The following SULT1E1 variants were observed in gnomAD, a reference collection of about 807,000 sequenced individuals.
SULT1E1 encodes the protein sulfotransferase family 1E member 1.
A neutral mutation model predicts 33.6 loss-of-function variants in SULT1E1; 36 were observed. The observed-to-expected ratio is 1.07, with a 90% confidence interval of 0.82 to 1.41. SULT1E1 has a LOEUF of 1.41. Ranked by LOEUF, SULT1E1 falls within the 40% of genes most tolerant of loss-of-function variation. The pLI is 0.00. For synonymous variants in SULT1E1, 121 were observed against 111.7 expected (o/e 1.08, Z -0.53); for missense variants, 371 against 345.7 (o/e 1.07, Z -0.58).
the SULT1E1 span, among the ~76,000 whole-genome samples, chr4:69,828,812 C>A: frequency 2.0e-5 from 3 of 152,206 alleles, no homozygotes; most frequent in Admixed American, 2.0e-4. Context: ...TTTTCCCTGA[C>A]ACTTTATATC....
chr4:69,837,109 A>T (rs1720809835), downstream of SULT1E1, among the ~76,000 whole-genome samples: 1 of 151,408 alleles, frequency 6.6e-6, no homozygotes, highest in South Asian at 2.1e-4. Flanking sequence ...AAATGTAGGT[A>T]GGGGTTAGAT....
At chr4:69,826,371 G>T in the SULT1E1 span, among the ~76,000 whole-genome samples, 2 of 152,094 alleles carry the variant, frequency 1.3e-5, no homozygotes, top group African/African-American at 4.8e-5. Context: ...ATGGGTGCAG[G>T]TTTTTGAGAA....
At chr4:69,830,741 A>G in the SULT1E1 span, among the ~76,000 whole-genome samples, 2 of 152,180 alleles carry the variant, frequency 1.3e-5, no homozygotes, top group Non-Finnish European at 2.9e-5. Flanking sequence ...CTTCCATATT[A>G]AACAGTGTCA....
chr4:69,844,825 T>C (rs1720942400), intron 6 of SULT1E1, among the ~76,000 whole-genome samples: 1 of 152,238 alleles, frequency 6.6e-6, no homozygotes, highest in Middle Eastern at 3.4e-3. Flanking sequence ...CTGTACACCA[T>C]AGCTACAAAC....
downstream of SULT1E1, among the ~76,000 whole-genome samples, chr4:69,840,611 C>T (rs1470258672): frequency 6.6e-6 from 1 of 152,088 alleles, no homozygotes; most frequent in Non-Finnish European, 1.5e-5. Flanking sequence ...AGAAGGAACC[C>T]TAAAGCATAA....
At chr4:69,822,684 C>T in the SULT1E1 span, among the ~76,000 whole-genome samples, 2 of 152,166 alleles carry the variant, frequency 1.3e-5, no homozygotes, top group African/African-American at 4.8e-5. Flanking sequence ...TGTCTACAAT[C>T]ACTTTTATTC....
the SULT1E1 span, among the ~76,000 whole-genome samples, chr4:69,835,945 A>C: frequency 6.6e-6 from 1 of 152,192 alleles, no homozygotes; most frequent in South Asian, 2.1e-4. Flanking sequence ...TTCCTGGCCT[A>C]GGCTTCTTTA....
the SULT1E1 span, among the ~76,000 whole-genome samples, chr4:69,822,611 G>A: frequency 0.012 from 1,859 of 152,216 alleles, 50 homozygotes; most frequent in African/African-American, 0.042. Context: ...GAACAGAAAA[G>A]GAGTCAAGAA....
At chr4:69,845,616 C>T (rs984706833) in intron 6 of SULT1E1, among the ~76,000 whole-genome samples, 1 of 151,068 alleles carries the variant, frequency 6.6e-6, no homozygotes, top group Non-Finnish European at 1.5e-5. Context: ...GTCTTGATTT[C>T]TTTCTACTGG....
rs781501252 is a variant in SULT1E1 at position 69,857,545 on chromosome 4, G to T, written c.100C>A (p.Gln34Lys). ...VKYWDNVEAFQARPDDLVIAT... is the reference protein window; with the variant it reads ...VKYWDNVEAFKARPDDLVIAT... Reference sequence around the variant, plus strand: ...ATGACAAGATCATCTGGTCTTGCCTGGAACGCTTCCACATTATCCCAATAT... The same window carrying T: ...ATGACAAGATCATCTGGTCTTGCCTTGAACGCTTCCACATTATCCCAATAT... The change falls in exon 2 of 8, where the codon CAG becomes AAG. Residue 34 changes from glutamine (Q) to lysine (K), a missense_variant. Physicochemically the swap from Gln to Lys is moderately conservative, Grantham distance 53. Coordinates refer to ENST00000226444, the MANE Select transcript of SULT1E1 (RefSeq NM_005420.3). 13 of 1,613,042 alleles carry T rather than the reference G, an allele frequency of 8.1e-6. No individual in the cohort carries two copies. In the South Asian group the frequency reaches 1.4e-4, roughly 18 times the overall value.
chr4:69,858,634 T>C (rs1721302047), intron 1 of SULT1E1, among the ~76,000 whole-genome samples: 1 of 151,934 alleles, frequency 6.6e-6, no homozygotes, highest in African/African-American at 2.4e-5. Flanking sequence ...GCCCCAGCCC[T>C]TAGGACAATC....
Position 69,841,897 on chromosome 4 carries a change from A to G in SULT1E1, c.*97T>C, listed in dbSNP as rs1578100940. The G allele has an allele frequency of 2.6e-5, 18 of 688,950 alleles. No homozygotes were observed. The South Asian group carries it at 3.4e-4, about 13-fold the overall frequency. 42.7% of individuals were successfully genotyped at this position (688,950 alleles called of 1,614,324 possible). A position where few individuals can be genotyped will look rare whatever the true frequency, so the allele number is the denominator to read the frequency against. Reference sequence around the variant, plus strand: ...TAAAAAGAAAATGTCAACATAATCCATGATTATGTCTTTTCTAGCAATCTA... The same window carrying G: ...TAAAAAGAAAATGTCAACATAATCCGTGATTATGTCTTTTCTAGCAATCTA... On this transcript the variant is annotated 3_prime_UTR_variant, in exon 8 of 8. Transcript: ENST00000226444.
chr4:69,854,798 T>A (rs956949084), intron 3 of SULT1E1, among the ~76,000 whole-genome samples: 1 of 152,016 alleles, frequency 6.6e-6, no homozygotes, highest in Non-Finnish European at 1.5e-5. Context: ...AGCTTCTAAC[T>A]ATCTTTTTCT....
At chr4:69,842,548 A>AT (rs1392016065) in intron 7 of SULT1E1, among the ~76,000 whole-genome samples, 8 of 152,356 alleles carry the variant, frequency 5.3e-5, no homozygotes, top group African/African-American at 1.9e-4. Flanking sequence ...TCAAAAATAA[A>AT]TTCATTTTAT....
At chr4:69,826,118 T>C in the SULT1E1 span, among the ~76,000 whole-genome samples, 1 of 152,168 alleles carries the variant, frequency 6.6e-6, no homozygotes, top group African/African-American at 2.4e-5. Context: ...TCAGAAACTG[T>C]ATTCTTCCTA....
At chr4:69,830,431 G>C in the SULT1E1 span, among the ~76,000 whole-genome samples, 2 of 152,330 alleles carry the variant, frequency 1.3e-5, no homozygotes, top group South Asian at 4.1e-4. Context: ...GGTTGAACAG[G>C]GTGTACAACC....
At chr4:69,851,032 A>C (rs552574726) in intron 4 of SULT1E1, among the ~76,000 whole-genome samples, 1 of 152,088 alleles carries the variant, frequency 6.6e-6, no homozygotes, top group Non-Finnish European at 1.5e-5. Context: ...TCTGTCTTAA[A>C]AATTTTGCAC....
At chr4:69,824,780 C>T in the SULT1E1 span, among the ~76,000 whole-genome samples, 1 of 152,174 alleles carries the variant, frequency 6.6e-6, no homozygotes, top group Non-Finnish European at 1.5e-5. Flanking sequence ...TGTAAAATCA[C>T]CAATCAGTGC....
At chr4:69,826,906 C>A in the SULT1E1 span, among the ~76,000 whole-genome samples, 1 of 152,106 alleles carries the variant, frequency 6.6e-6, no homozygotes, top group Non-Finnish European at 1.5e-5. Flanking sequence ...ATCCTAGCCT[C>A]CATATAGCTC....
Sources: gnomAD v4.1 joint callset for allele counts (sites outside exome capture counted in the v4.1 genomes callset) on GRCh38, gnomAD v4.1.1 for gene constraint, MANE v1.5 for transcripts, NCBI Gene and HGNC (gene_info 2026-07-23, HGNC 2026-07-21) for gene names.